IKZF3: variants seen among roughly 807,000 people sequenced by gnomAD.
IKZF3 encodes IKAROS family zinc finger 3.
In IKZF3, 10 loss-of-function variants were observed where a neutral mutation model predicts 49.0. That is an observed-to-expected ratio of 0.20 (90% CI 0.13 to 0.35). The LOEUF is 0.35. Ranked by LOEUF, IKZF3 falls within the 10% of genes least tolerant of loss-of-function variation. The pLI is 1.00. For missense variants in IKZF3, 498 were observed against 664.8 expected (o/e 0.75, Z 2.76); for synonymous variants, 209 against 228.2 (o/e 0.92, Z 0.76).
chr17:39,805,577 T>G (rs762669375), intron 3 of IKZF3, among the ~76,000 whole-genome samples: 26 of 152,360 alleles, frequency 1.7e-4, no homozygotes, highest in Admixed American at 3.3e-4. Flanking sequence ...GTTCTTCCCT[T>G]CCTTCTTCCC....
chr17:39,848,815 G>C (rs1347246580), intron 1 of IKZF3, among the ~76,000 whole-genome samples: 1 of 152,136 alleles, frequency 6.6e-6, no homozygotes, highest in Non-Finnish European at 1.5e-5. Flanking sequence ...GAGTAGCTGA[G>C]ACTACAGGTG....
chr17:39,863,488 T>C (rs1395850650), intron 1 of IKZF3, among the ~76,000 whole-genome samples: 1 of 152,158 alleles, frequency 6.6e-6, no homozygotes, highest in African/African-American at 2.4e-5. Flanking sequence ...ATTGAAGAGT[T>C]TACAGTAGCA....
chr17:39,841,328 GA>G (rs764712889), intron 1 of IKZF3, among the ~76,000 whole-genome samples: 3 of 152,136 alleles, frequency 2.0e-5, no homozygotes, highest in Non-Finnish European at 4.4e-5. Context: ...AAGAGGGAAT[GA>G]AGTGGCTGGC....
chr17:39,849,303 G>A (rs1272978598), intron 1 of IKZF3, among the ~76,000 whole-genome samples: 2 of 121,062 alleles, frequency 1.7e-5, no homozygotes, highest in Non-Finnish European at 3.3e-5. Context: ...AGGTGTGATA[G>A]CACCTGGAAA....
intron 5 of IKZF3, among the ~76,000 whole-genome samples, chr17:39,789,034 C>A (rs2060943377): frequency 6.6e-6 from 1 of 152,168 alleles, no homozygotes; most frequent in Non-Finnish European, 1.5e-5. Context: ...ATTTCATAGG[C>A]TCAGGTGAAG....
At chr17:39,861,505 A>G (rs1490781717) in intron 1 of IKZF3, among the ~76,000 whole-genome samples, 1 of 152,196 alleles carries the variant, frequency 6.6e-6, no homozygotes, top group Non-Finnish European at 1.5e-5. Context: ...ATTTTGAAAA[A>G]TTATGTTCTA....
At chr17:39,785,750 C>G (rs181983120) in intron 6 of IKZF3, among the ~76,000 whole-genome samples, 2 of 152,066 alleles carry the variant, frequency 1.3e-5, no homozygotes, top group East Asian at 3.9e-4. Context: ...AATATATAAC[C>G]TTTAAGAAAT....
chr17:39,801,733 G>C (rs1441501090), intron 3 of IKZF3, among the ~76,000 whole-genome samples: 1 of 152,160 alleles, frequency 6.6e-6, no homozygotes, highest in Non-Finnish European at 1.5e-5. Context: ...GAACTAAAGA[G>C]TAAGGAAAGT....
intron 3 of IKZF3, among the ~76,000 whole-genome samples, chr17:39,811,521 T>C (rs2061561323): frequency 6.6e-6 from 1 of 152,068 alleles, no homozygotes; most frequent in Admixed American, 6.6e-5. Context: ...CAGATCAGTT[T>C]TAGGAAGAAG....
chr17:39,831,199 T>C (rs1598144605), intron 2 of IKZF3, among the ~76,000 whole-genome samples: 1 of 151,948 alleles, frequency 6.6e-6, no homozygotes, highest in Admixed American at 6.6e-5. Context: ...CTGACCAACG[T>C]GGTGAAACCC....
At chr17:39,832,076 G>T (rs768974225) in intron 2 of IKZF3, 22 bp downstream of exon 2, 18 of 1,580,970 alleles carry the variant, frequency 1.1e-5, no homozygotes, top group Non-Finnish European at 1.6e-5. Flanking sequence ...TATATTTCCA[G>T]AGAGGAAAGA....
chr17:39,818,824 C>T (rs2061736617), intron 3 of IKZF3, among the ~76,000 whole-genome samples: 2 of 152,214 alleles, frequency 1.3e-5, no homozygotes, highest in Non-Finnish European at 2.9e-5. Context: ...CACCACCGCA[C>T]TCCAGCCTGG....
chr17:39,831,882 C>T (rs2062117726), intron 2 of IKZF3, among the ~76,000 whole-genome samples: 1 of 152,078 alleles, frequency 6.6e-6, no homozygotes, highest in Non-Finnish European at 1.5e-5. Context: ...CAGTGATCAA[C>T]ATTAGGTAGT....
At chr17:39,800,128 GTATCCTGAAGTCTTTTGTAAAGTGAA>G (rs1207220095) in intron 3 of IKZF3, among the ~76,000 whole-genome samples, 1 of 152,220 alleles carries the variant, frequency 6.6e-6, no homozygotes, top group East Asian at 1.9e-4. Flanking sequence ...CTGCCTGATA[GTATCCTGAAGTCTTTTGTAAAGTGAA>G]TAAACCTTTT....
intron 1 of IKZF3, among the ~76,000 whole-genome samples, chr17:39,861,165 C>A (rs1403749683): frequency 6.6e-6 from 1 of 152,186 alleles, no homozygotes; most frequent in Non-Finnish European, 1.5e-5. Context: ...AAACAAGACA[C>A]AGTCTCTGTT....
chr17:39,801,552 C>A (rs763980415), intron 3 of IKZF3, among the ~76,000 whole-genome samples: 1 of 152,170 alleles, frequency 6.6e-6, no homozygotes, highest in Non-Finnish European at 1.5e-5. Flanking sequence ...CAATCTAGCA[C>A]AAACAGATGA....
At chr17:39,795,555 C>T (rs1199976213) in intron 3 of IKZF3, among the ~76,000 whole-genome samples, 1 of 151,842 alleles carries the variant, frequency 6.6e-6, no homozygotes, top group Non-Finnish European at 1.5e-5. Flanking sequence ...TACAGGCATG[C>T]ACCACAATGC....
chr17:39,835,270 G>A, intron 1 of IKZF3: 1 of 552,402 alleles, frequency 1.8e-6, no homozygotes, highest in Non-Finnish European at 3.5e-6. Flanking sequence ...TCCAGGGCCA[G>A]CTTGATGGTC....
In IKZF3 at chr17:39,766,189, G is replaced by A. The variant is rs775549740; in HGVS notation, c.1131C>T (p.Leu377=). The A allele has an allele frequency of 2.5e-6, 4 of 1,614,116 alleles. No homozygotes were observed. Among genetic ancestry groups the A allele is most frequent in the Admixed American group, 1.7e-5 (1 of 60,014 alleles). ...AGTCGTGGCCACTATTGTTGGGAGAGAGGCCTCTCTCAGAAGGCACGCTCT... is the reference window on the plus strand; with the variant it reads ...AGTCGTGGCCACTATTGTTGGGAGAAAGGCCTCTCTCAGAAGGCACGCTCT... ...PEKSVPSERG[L]SPNNSGHDST... The change falls in exon 8 of 8, where the codon CTC becomes CTT. Residue 377 remains leucine, a synonymous_variant. Coordinates refer to ENST00000346872, the MANE Select transcript of IKZF3 (RefSeq NM_012481.5).
Sources: allele counts gnomAD v4.1 joint callset (sites outside exome capture counted in the v4.1 genomes callset), GRCh38; gene constraint gnomAD v4.1.1; transcripts MANE v1.5; gene names NCBI Gene and HGNC (gene_info 2026-07-23, HGNC 2026-07-21).